Variants in FMNL2 observed in about 807,000 individuals in gnomAD.
The protein encoded by FMNL2 is formin-like protein 2.
A neutral mutation model predicts 130.2 loss-of-function variants in FMNL2; 51 were observed. The observed-to-expected ratio is 0.39, with a 90% CI of 0.31 to 0.49. The LOEUF is 0.49. Ranked by LOEUF, FMNL2 falls within the 20% of genes least tolerant of loss-of-function variation. The probability of loss-of-function intolerance (pLI) is 0.85; values close to 1 mark genes in which losing one functional copy is unlikely to be tolerated. For missense variants in FMNL2, 977 were observed against 1,316.2 expected, an observed-to-expected ratio of 0.74 and a Z score of 3.99; for synonymous variants, 465 against 467.1, an observed-to-expected ratio of 1.00 and a Z score of 0.06.
At chr2:152,416,072 T>A (rs1436032191) in intron 1 of FMNL2, among the ~76,000 whole-genome samples, 1 of 152,044 alleles carries the variant, frequency 6.6e-6, no homozygotes, top group African/African-American at 2.4e-5. Flanking sequence ...CTGCCAAGCA[T>A]GGATGGAGGA....
intron 9 of FMNL2, among the ~76,000 whole-genome samples, chr2:152,606,920 G>A (rs1342953496): frequency 6.7e-6 from 1 of 149,688 alleles, no homozygotes. Context: ...TTTTAAATGT[G>A]CCTTTTAAAG....
chr2:152,384,333 C>G (rs1684662511), intron 1 of FMNL2, among the ~76,000 whole-genome samples: 1 of 152,148 alleles, frequency 6.6e-6, no homozygotes, highest in Non-Finnish European at 1.5e-5. Flanking sequence ...CTTGTCCTCA[C>G]TCCAGAGTCT....
At chr2:152,374,381 G>T (rs990611117) in intron 1 of FMNL2, among the ~76,000 whole-genome samples, 1 of 152,124 alleles carries the variant, frequency 6.6e-6, no homozygotes, top group African/African-American at 2.4e-5. Flanking sequence ...GTAGAAGAAT[G>T]TCATTAATTG....
chr2:152,627,339 T>C (rs1386829601), intron 17 of FMNL2, among the ~76,000 whole-genome samples: 3 of 152,258 alleles, frequency 2.0e-5, no homozygotes, highest in Non-Finnish European at 4.4e-5. Flanking sequence ...GTTTTACTCC[T>C]CTATTAGAAG....
chr2:152,546,437 G>A (rs1201460836), intron 3 of FMNL2, among the ~76,000 whole-genome samples: 1 of 152,006 alleles, frequency 6.6e-6, no homozygotes, highest in Non-Finnish European at 1.5e-5. Flanking sequence ...ACTCTTAGGA[G>A]TAAGAAGCCA....
At chr2:152,619,759 ATGCTG>A in intron 15 of FMNL2, 41 bp downstream of exon 15, 5 of 1,581,672 alleles carry the variant, frequency 3.2e-6, no homozygotes, top group Non-Finnish European at 3.4e-6. Context: ...CATATCAGAA[ATGCTG>A]TCTTATCTCG....
At chr2:152,454,997 G>A (rs749721064) in intron 1 of FMNL2, among the ~76,000 whole-genome samples, 4 of 152,178 alleles carry the variant, frequency 2.6e-5, no homozygotes, top group Non-Finnish European at 5.9e-5. Flanking sequence ...GTCATTGAGA[G>A]GGTCCCCAGG....
intron 25 of FMNL2, among the ~76,000 whole-genome samples, chr2:152,645,092 T>C (rs534262060): frequency 1.2e-4 from 19 of 152,366 alleles, no homozygotes; most frequent in Admixed American, 9.8e-4. Flanking sequence ...TAGAGTGTCA[T>C]TGCCTGCTCT....
At chr2:152,368,103 G>C (rs1415147602) in intron 1 of FMNL2, among the ~76,000 whole-genome samples, 3 of 152,092 alleles carry the variant, frequency 2.0e-5, no homozygotes. Flanking sequence ...TGAAGTTCAA[G>C]GCTTTTTCTG....
intron 1 of FMNL2, among the ~76,000 whole-genome samples, chr2:152,341,618 A>G (rs1681810980): frequency 6.6e-6 from 1 of 152,226 alleles, no homozygotes; most frequent in African/African-American, 2.4e-5. Context: ...GTGAATGGGA[A>G]TAAAATTTGG....
At chr2:152,570,607 T>C (rs1380749214) in intron 6 of FMNL2, among the ~76,000 whole-genome samples, 1 of 152,156 alleles carries the variant, frequency 6.6e-6, no homozygotes, top group African/African-American at 2.4e-5. Flanking sequence ...GGTCCAGGAA[T>C]TGGGTCACAA....
intron 1 of FMNL2, among the ~76,000 whole-genome samples, chr2:152,376,986 A>G (rs1198417714): frequency 6.6e-6 from 1 of 152,234 alleles, no homozygotes; most frequent in Non-Finnish European, 1.5e-5. Flanking sequence ...AGGAGGCAGT[A>G]TGGTGGTGTG....
At chr2:152,475,467 G>A (rs917908951) in intron 1 of FMNL2, among the ~76,000 whole-genome samples, 4 of 151,522 alleles carry the variant, frequency 2.6e-5, no homozygotes, top group African/African-American at 4.9e-5. Context: ...TAAAAGAATA[G>A]TTTTTTTTGG....
intron 4 of FMNL2, among the ~76,000 whole-genome samples, chr2:152,552,248 G>C (rs922818038): frequency 9.2e-5 from 14 of 152,134 alleles, no homozygotes; most frequent in African/African-American, 3.1e-4. Context: ...TGTTATGCTT[G>C]TTGCAAATAA....
intron 1 of FMNL2, among the ~76,000 whole-genome samples, chr2:152,357,668 T>A (rs1682912481): frequency 6.6e-6 from 1 of 151,038 alleles, no homozygotes; most frequent in South Asian, 2.1e-4. Context: ...ATTAAATCAG[T>A]TTAATGTATA....
intron 6 of FMNL2, among the ~76,000 whole-genome samples, chr2:152,572,486 G>A (rs970677075): frequency 5.3e-5 from 8 of 152,200 alleles, no homozygotes; most frequent in African/African-American, 1.9e-4. Flanking sequence ...GGTCAGTAAA[G>A]CCATCTCCTC....
intron 2 of FMNL2, among the ~76,000 whole-genome samples, chr2:152,541,436 A>T (rs952445784): frequency 6.6e-6 from 1 of 152,160 alleles, no homozygotes; most frequent in Non-Finnish European, 1.5e-5. Context: ...TTTTTGTGAG[A>T]AATATAGCAT....
chr2:152,474,164 A>T (rs1411464969), intron 1 of FMNL2, among the ~76,000 whole-genome samples: 3 of 152,158 alleles, frequency 2.0e-5, no homozygotes, highest in Admixed American at 2.0e-4. Flanking sequence ...GGCATGAGCC[A>T]CTGCACCTGG....
chr2:152,563,755 C>G (rs958339145), intron 6 of FMNL2, among the ~76,000 whole-genome samples: 8 of 152,034 alleles, frequency 5.3e-5, no homozygotes, highest in Non-Finnish European at 7.4e-5. Context: ...TTTGTCCTTT[C>G]TCATCCTGCT....
Sources: allele counts gnomAD v4.1 joint callset (sites outside exome capture counted in the v4.1 genomes callset), GRCh38; gene constraint gnomAD v4.1.1; transcripts MANE v1.5; gene names NCBI Gene and HGNC (gene_info 2026-07-23, HGNC 2026-07-21).